PARM1: variants seen among roughly 807,000 people sequenced by gnomAD.
PARM1 encodes the protein prostate androgen-regulated mucin-like protein 1, also known as WSC4, cell wall integrity and stress response component 4 homolog.
PARM1 carries 14 observed loss-of-function variants against 24.6 expected under a neutral mutation model. The ratio of observed to expected loss-of-function variants is 0.57; its 90% confidence interval spans 0.38 to 0.89. The LOEUF (loss-of-function observed/expected upper bound fraction) is 0.89, where lower values mean the gene tolerates loss of function less well. Among genes scored for constraint, PARM1 ranks in the 40% least tolerant of loss-of-function variants. The pLI, the probability that PARM1 is intolerant of heterozygous loss-of-function variation, is 0.00. For synonymous variants in PARM1, 179 were observed against 156.6 expected (o/e 1.14, Z -1.07); for missense variants, 362 against 380.4 (o/e 0.95, Z 0.40).
In PARM1 at chr4:74,963,837, C is replaced by A. The variant is rs186282412; in HGVS notation, c.43+30467C>A. On this transcript the variant is annotated intron_variant, in intron 1 of 3. Transcript: ENST00000307428. ...ATATGTTTACATATTATAAAATTTACAAATCTTTCTACGTGCCAAAAAATA... is the reference window on the plus strand; with the variant it reads ...ATATGTTTACATATTATAAAATTTAAAAATCTTTCTACGTGCCAAAAAATA... 3.6e-3 allele frequency among the ~76,000 whole-genome samples: 546 copies of A among 152,096 alleles called. 1 individual carries two copies. The highest frequency in any genetic ancestry group is 0.024 in the Middle Eastern group (7 of 294).
chr4:75,014,591 G>A (rs1722944868), intron 2 of PARM1, among the ~76,000 whole-genome samples: 1 of 152,130 alleles, frequency 6.6e-6, no homozygotes, highest in South Asian at 2.1e-4. Context: ...CTGGAGTGAA[G>A]GGAATGACTA....
rs10012438 is a variant in PARM1, at chr4:75,046,787, A to G, written c.*540A>G. On this transcript the variant is annotated 3_prime_UTR_variant, in exon 4 of 4. Coordinates refer to ENST00000307428, the MANE Select transcript of PARM1 (RefSeq NM_015393.4). Reference sequence around the variant, plus strand: ...CAGGATGCTGCCTGCTTGGCTCTACAAGCTGGAAAGCAGCTTCTTAGCTGC... The same window carrying G: ...CAGGATGCTGCCTGCTTGGCTCTACGAGCTGGAAAGCAGCTTCTTAGCTGC... 24,668 of 152,382 alleles carry G rather than the reference A, an allele frequency of 0.16. 3,261 individuals carry two copies. Among genetic ancestry groups the G allele is most frequent in the African/African-American group, 0.36 (15,118 of 41,474 alleles). 9.4% of individuals were successfully genotyped at this position (152,382 alleles called of 1,614,324 possible). A position where few individuals can be genotyped will look rare whatever the true frequency, so the allele number is the denominator to read the frequency against.
chr4:75,038,151 G>T (rs992293440), intron 3 of PARM1, among the ~76,000 whole-genome samples: 1 of 152,164 alleles, frequency 6.6e-6, no homozygotes. Context: ...TTCTGACCTG[G>T]TGATCCGCCC....
intron 1 of PARM1, among the ~76,000 whole-genome samples, chr4:74,986,597 A>G (rs1012716252): frequency 6.6e-6 from 1 of 152,208 alleles, no homozygotes; most frequent in African/African-American, 2.4e-5. Flanking sequence ...TGAAAACAGC[A>G]ATGAGAGCAC....
intron 1 of PARM1, among the ~76,000 whole-genome samples, chr4:75,006,122 G>A (rs1291604775): frequency 1.3e-5 from 2 of 152,146 alleles, no homozygotes; most frequent in Non-Finnish European, 2.9e-5. Context: ...TGGGTGGGAA[G>A]GTGTATGGAG....
intron 1 of PARM1, among the ~76,000 whole-genome samples, chr4:74,961,275 C>A (rs1721768491): frequency 6.6e-6 from 1 of 151,616 alleles, no homozygotes; most frequent in Non-Finnish European, 1.5e-5. Context: ...AAAAAAATAT[C>A]AAAGAAAAGT....
chr4:74,999,678 A>C (rs538921048), intron 1 of PARM1, among the ~76,000 whole-genome samples: 9 of 152,354 alleles, frequency 5.9e-5, no homozygotes, highest in Admixed American at 5.9e-4. Context: ...TAAGAAGTAA[A>C]CTAAGCAACG....
chr4:75,017,814 G>C (rs545242094), intron 2 of PARM1, among the ~76,000 whole-genome samples: 1 of 152,274 alleles, frequency 6.6e-6, no homozygotes, highest in African/African-American at 2.4e-5. Flanking sequence ...ATGAATAAAA[G>C]AGCCAATCAA....
chr4:74,954,592 T>C (rs887097413), intron 1 of PARM1, among the ~76,000 whole-genome samples: 1 of 152,196 alleles, frequency 6.6e-6, no homozygotes, highest in Non-Finnish European at 1.5e-5. Flanking sequence ...ACCTGCTCAT[T>C]TTCTTTTCAC....
chr4:75,029,246 G>A (rs1723235178), intron 2 of PARM1, among the ~76,000 whole-genome samples: 1 of 152,216 alleles, frequency 6.6e-6, no homozygotes, highest in Non-Finnish European at 1.5e-5. Flanking sequence ...TTGTAGAGCA[G>A]TGGAGTAGTG....
At chr4:74,986,148 T>C (rs1722351165) in intron 1 of PARM1, among the ~76,000 whole-genome samples, 1 of 152,148 alleles carries the variant, frequency 6.6e-6, no homozygotes, top group Non-Finnish European at 1.5e-5. Flanking sequence ...GAGTCTTTGG[T>C]GCATAATAAT....
chr4:74,941,514 A>G (rs1721309660), intron 1 of PARM1, among the ~76,000 whole-genome samples: 1 of 152,214 alleles, frequency 6.6e-6, no homozygotes. Flanking sequence ...TAAGGCTCAA[A>G]CCAACGCTAG....
intron 1 of PARM1, among the ~76,000 whole-genome samples, chr4:74,998,883 G>T (rs1046062587): frequency 6.6e-6 from 1 of 152,150 alleles, no homozygotes; most frequent in Non-Finnish European, 1.5e-5. Context: ...AATAAAACCC[G>T]AAGGCTCTCC....
At chr4:75,031,229 G>A (rs948517628) in intron 2 of PARM1, among the ~76,000 whole-genome samples, 1 of 152,222 alleles carries the variant, frequency 6.6e-6, no homozygotes, top group Admixed American at 6.5e-5. Flanking sequence ...AGAAGAGCCA[G>A]TGGGTAACAG....
chr4:74,945,948 G>A (rs1195465391), intron 1 of PARM1, among the ~76,000 whole-genome samples: 2 of 152,186 alleles, frequency 1.3e-5, no homozygotes, highest in African/African-American at 4.8e-5. Flanking sequence ...GGCTGGAGCA[G>A]AACTGACTGA....
intron 1 of PARM1, among the ~76,000 whole-genome samples, chr4:74,979,497 A>G: frequency 6.6e-6 from 1 of 152,198 alleles, no homozygotes; most frequent in East Asian, 1.9e-4. Context: ...AAAGCTCATG[A>G]TCAGACAGAT....
chr4:74,960,258 A>G (rs554123596), intron 1 of PARM1, among the ~76,000 whole-genome samples: 1 of 152,324 alleles, frequency 6.6e-6, no homozygotes, highest in South Asian at 2.1e-4. Flanking sequence ...AGCAAGTTCC[A>G]AAAGATCTAA....
intron 1 of PARM1, among the ~76,000 whole-genome samples, chr4:75,002,729 G>A (rs7684218): frequency 0.14 from 21,985 of 152,056 alleles, 1,783 homozygotes; most frequent in East Asian, 0.34. Context: ...ATAGAGAAGG[G>A]AGACTGCCAC....
chr4:75,020,463 C>G lies in PARM1; in HGVS notation c.769+7313C>G, dbSNP rs145083720. ...TTATCTCAGAGCTCCCATAATCCCA[C>G]CGCAATAGCCTCTCAACTGCCCCTC... On this transcript the variant is annotated intron_variant, in intron 2 of 3. Coordinates refer to ENST00000307428, the MANE Select transcript of PARM1 (RefSeq NM_015393.4). Among the ~76,000 whole-genome samples the G allele has an allele frequency of 4.0e-5, 6 of 151,378 alleles. No individual in the cohort carries two copies. The East Asian group carries it at 1.2e-3, about 29-fold the overall frequency.
Sources: gnomAD v4.1 joint callset for allele counts (sites outside exome capture counted in the v4.1 genomes callset) on GRCh38, gnomAD v4.1.1 for gene constraint, MANE v1.5 for transcripts, NCBI Gene and HGNC (gene_info 2026-07-23, HGNC 2026-07-21) for gene names.